The following CHD5 variants were observed in gnomAD, a reference collection of about 807,000 sequenced individuals.
CHD5 encodes the protein chromodomain helicase DNA binding protein 5.
A neutral mutation model predicts 230.3 loss-of-function variants in CHD5; 69 were observed. The ratio of observed to expected loss-of-function variants is 0.30; its 90% CI spans 0.25 to 0.37. CHD5 has a LOEUF of 0.37. Ranked by LOEUF, CHD5 falls within the 10% of genes least tolerant of loss-of-function variation. The pLI is 1.00. For synonymous variants in CHD5, 1,064 were observed against 1,065.9 expected (o/e 1.00, Z 0.03); for missense variants, 1,827 against 2,622.8 (o/e 0.70, Z 6.63).
Position 6,146,344 on chromosome 1 carries a change from C to T in CHD5, c.1670G>A (p.Gly557Asp). The change falls in exon 11 of 42, where the codon GGC becomes GAC. Residue 557 changes from glycine to aspartate, a missense_variant. Gly to Asp is a moderately conservative substitution (Grantham distance 94). Coordinates refer to ENST00000262450, the MANE Select transcript of CHD5 (RefSeq NM_015557.3). The surrounding 1 kb of genome is among the most constrained non-coding windows in gnomAD (Gnocchi z 5.1). ...GCTCTTGCCGTCTTCATCCCCAGAG[C>T]CGTAGTCAAAGGGGGGCGGCTCATC... ...DMDEPPPFDYGSGDEDGKSEK... is the reference protein window; with the variant it reads ...DMDEPPPFDYDSGDEDGKSEK... 1 of 1,614,168 alleles carries T rather than the reference C, an allele frequency of 6.2e-7. No individual in the cohort carries two copies. The highest frequency in any genetic ancestry group is 8.5e-7 in the Non-Finnish European group (1 of 1,180,030).
intron 3 of CHD5, among the ~76,000 whole-genome samples, chr1:6,156,138 A>T (rs1471803674): frequency 6.6e-6 from 1 of 152,238 alleles, no homozygotes; most frequent in East Asian, 1.9e-4. Context: ...TGGGGACTGC[A>T]TTCTGGGGAT....
intron 17 of CHD5, among the ~76,000 whole-genome samples, chr1:6,135,950 C>T (rs1257488336): frequency 1.3e-5 from 2 of 152,064 alleles, no homozygotes; most frequent in East Asian, 3.9e-4. Flanking sequence ...GCGGAGGTTG[C>T]AGTGAACTGA....
Position 6,131,794 on chromosome 1 carries a change from C to G in CHD5, c.3145-46G>C. The G allele has an allele frequency of 2.3e-6, 3 of 1,305,490 alleles. No individual in the cohort carries two copies. Among genetic ancestry groups the G allele is most frequent in the Non-Finnish European group, 3.3e-6 (3 of 906,134 alleles). The allele number at this position is 1,305,490 out of a possible 1,614,324, so 80.9% of individuals were successfully genotyped here. ...TGAGGAACTGCCAAGGAGCAAGGGG[C>G]CCCATGGGCCATGGGCGGGGACCCC... On this transcript the variant is annotated intron_variant, in intron 20 of 41. Transcript: ENST00000262450. The surrounding 1 kb of genome is among the most constrained non-coding windows in gnomAD (Gnocchi z 5.0).
At position 6,154,800 on chromosome 1, in the gene CHD5, T is replaced by A; in HGVS notation, c.605A>T (p.Lys202Met). 1 of 1,613,774 alleles carries A rather than the reference T, an allele frequency of 6.2e-7. No individual in the cohort carries two copies. Among genetic ancestry groups the A allele is most frequent in the Non-Finnish European group, 8.5e-7 (1 of 1,179,964 alleles). ...CGCCGCTGCTGCCGCGGAGCTGCCC[T>A]TGAAGGGGTTGTTGGCGCTGAACTC... is the stretch of plus-strand genomic sequence containing the variant. ...WREFSANNPFKGSSAAAAAAA... is the reference protein window; with the variant it reads ...WREFSANNPFMGSSAAAAAAA... Residue 202 changes from lysine to methionine, a missense_variant, in exon 5 of 42, where the codon AAG (lysine) becomes ATG (methionine). This residue lies in a region of CHD5 where 657 missense variants were observed against 816.4 expected (regional missense o/e 0.80). Coordinates refer to ENST00000262450, the MANE Select transcript of CHD5 (RefSeq NM_015557.3). This position sits in a 1 kb window ranked among gnomAD's most constrained non-coding sequence, Gnocchi z 7.0.
Position 6,148,878 on chromosome 1 carries a change from A to C in CHD5, c.1359T>G (p.Gly453=). Reference sequence around the variant, plus strand: ...CAGTACAGCGCGGGCAGAGCCATTCACCGTTTGGGATCTCGGGCAGCGGCG... The same window carrying C: ...CAGTACAGCGCGGGCAGAGCCATTCCCCGTTTGGGATCTCGGGCAGCGGCG... The part of the protein sequence containing the change: ...LNPPLPEIPN[G]EWLCPRCTCP... The change falls in exon 9 of 42, where the codon GGT becomes GGG. Residue 453 remains glycine, a synonymous_variant. Transcript: ENST00000262450. The C allele has an allele frequency of 1.3e-6, 2 of 1,576,874 alleles. No homozygotes were observed. Among genetic ancestry groups the C allele is most frequent in the Non-Finnish European group, 1.7e-6 (2 of 1,160,556 alleles).
At chr1:6,127,111 G>A in intron 25 of CHD5, 1 of 259,438 alleles carries the variant, frequency 3.9e-6, no homozygotes, top group South Asian at 5.1e-5. Flanking sequence ...GGGGAGCAGA[G>A]GAGGAAACGG....
At chr1:6,135,438 G>T in intron 17 of CHD5, 35 bp from the exon 18 acceptor site, 1 of 1,570,446 alleles carries the variant, frequency 6.4e-7, no homozygotes. Context: ...GCCAGGAGCA[G>T]AGGACCGGGG....
chr1:6,105,141 G>A lies in CHD5; in HGVS notation c.*333C>T. 2.9e-6 allele frequency: 1 copy of A among 339,942 alleles called. No individual in the cohort carries two copies. The highest frequency in any genetic ancestry group is 5.8e-6 in the Non-Finnish European group (1 of 172,294). The allele number at this position is 339,942 out of a possible 1,614,324, so 21.1% of individuals were successfully genotyped here. A position where few individuals can be genotyped will look rare whatever the true frequency, so the allele number is the denominator to read the frequency against. On this transcript the variant is annotated 3_prime_UTR_variant, in exon 42 of 42. Coordinates refer to ENST00000262450, the MANE Select transcript of CHD5 (RefSeq NM_015557.3). This position sits in a 1 kb window ranked among gnomAD's most constrained non-coding sequence, Gnocchi z 4.8. ...GACAAACGTGTTCAAGTCTTCAATA[G>A]GAAAGTGCAAAAGATGTACAAATAA...
At position 6,126,837 on chromosome 1, in the gene CHD5, C is replaced by T. The variant is rs1666566640; in HGVS notation, c.3904-91G>A. On this transcript the variant is annotated intron_variant, in intron 25 of 41. Coordinates refer to ENST00000262450, the MANE Select transcript of CHD5 (RefSeq NM_015557.3). This position sits in a 1 kb window ranked among gnomAD's most constrained non-coding sequence, Gnocchi z 5.7. The stretch of plus-strand genomic sequence containing the variant: ...GCCTCCACCTGACCTGCCCTTTGCC[C>T]CCTCAGGGCTCAAGGATTAATGGGA... The T allele has an allele frequency of 1.6e-6, 2 of 1,213,862 alleles. No individual in the cohort carries two copies. The highest frequency in any genetic ancestry group is 2.3e-6 in the Non-Finnish European group (2 of 853,646). The allele number at this position is 1,213,862 out of a possible 1,614,324, so 75.2% of individuals were successfully genotyped here. A position where few individuals can be genotyped will look rare whatever the true frequency, so the allele number is the denominator to read the frequency against.
At chr1:6,117,242 G>C (rs1378669347) in intron 33 of CHD5, among the ~76,000 whole-genome samples, 1 of 152,142 alleles carries the variant, frequency 6.6e-6, no homozygotes, top group East Asian at 1.9e-4. Context: ...CAAATGTAAA[G>C]AGATTAAACT....
At chr1:6,150,558 GGATT>G (rs1486327479) in intron 7 of CHD5, among the ~76,000 whole-genome samples, 3 of 151,836 alleles carry the variant, frequency 2.0e-5, no homozygotes, top group African/African-American at 7.2e-5. Flanking sequence ...ATGGACAAAT[GGATT>G]GATGATGGAT....
chr1:6,137,214 C>A (rs1666760031), intron 15 of CHD5, among the ~76,000 whole-genome samples: 1 of 152,204 alleles, frequency 6.6e-6, no homozygotes, highest in South Asian at 2.1e-4. Context: ...CTCAAGCAAT[C>A]CTCCCATCTC....
intron 11 of CHD5, among the ~76,000 whole-genome samples, chr1:6,145,227 G>A (rs1571158120): frequency 6.6e-6 from 1 of 152,200 alleles, no homozygotes; most frequent in East Asian, 1.9e-4. Context: ...GCAGCAGCCT[G>A]TTCCCTAAAA....
chr1:6,128,479 T>G lies in CHD5; in HGVS notation c.3730+20A>C. The G allele has an allele frequency of 6.3e-7, 1 of 1,579,768 alleles. No homozygotes were observed. Among genetic ancestry groups the G allele is most frequent in the South Asian group, 1.1e-5 (1 of 90,110 alleles). ...ACCTGGTCGGAGGAGGAGCTGAGGC[T>G]GGGCTGGGTTGGCCCCTACCTGGCG... On this transcript the variant is annotated intron_variant, in intron 24 of 41. Coordinates refer to ENST00000262450, the MANE Select transcript of CHD5 (RefSeq NM_015557.3). The surrounding 1 kb of genome is among the most constrained non-coding windows in gnomAD (Gnocchi z 7.8).
chr1:6,125,023 T>C lies in CHD5; in HGVS notation c.4394+77A>G, dbSNP rs951969918. ...CCTGGCGGAAGCAAATGCTGCCCTC[T>C]GTGGGGCTCACCCGCAGGACCCTGC... On this transcript the variant is annotated intron_variant, in intron 29 of 41. Coordinates refer to ENST00000262450, the MANE Select transcript of CHD5 (RefSeq NM_015557.3). The surrounding 1 kb of genome is among the most constrained non-coding windows in gnomAD (Gnocchi z 6.7). The C allele has an allele frequency of 1.1e-5, 16 of 1,392,254 alleles. 1 individual carries two copies. In the South Asian group the frequency reaches 2.2e-4, roughly 19 times the overall value. The allele number at this position is 1,392,254 out of a possible 1,614,324, so 86.2% of individuals were successfully genotyped here.
At position 6,142,236 on chromosome 1, in the gene CHD5, G is replaced by A. The variant is rs754931120; in HGVS notation, c.2328C>T (p.Tyr776=). The A allele has an allele frequency of 1.8e-4, 296 of 1,614,042 alleles. 2 individuals carry two copies. Among genetic ancestry groups the A allele is most frequent in the Non-Finnish European group, 2.3e-4 (274 of 1,179,998 alleles). The change falls in exon 15 of 42, where the codon TAC becomes TAT. Residue 776 remains tyrosine, a synonymous_variant. Coordinates refer to ENST00000262450, the MANE Select transcript of CHD5 (RefSeq NM_015557.3). This position sits in a 1 kb window ranked among gnomAD's most constrained non-coding sequence, Gnocchi z 5.2. ...REFEMWAPDF[Y]VVTYTGDKES... ...CCTTGTCCCCCGTGTAGGTGACCAC[G>A]TAGAAGTCGGGCGCCCACATCTCAA...
rs1024377739 is a variant in CHD5, at chr1:6,105,506, G to A, written c.*47-79C>T. The stretch of plus-strand genomic sequence containing the variant: ...GGGTGGCACCCAACAGCCTGTAGCT[G>A]CTTCTCCACCTATCACAACCAACTA... On this transcript the variant is annotated intron_variant, in intron 41 of 41. Transcript: ENST00000262450. This position sits in a 1 kb window ranked among gnomAD's most constrained non-coding sequence, Gnocchi z 4.8. The A allele has an allele frequency of 1.9e-5, 8 of 421,882 alleles. No homozygotes were observed. The highest frequency in any genetic ancestry group is 8.9e-5 in the Admixed American group (3 of 33,646). The allele number at this position is 421,882 out of a possible 1,614,324, so 26.1% of individuals were successfully genotyped here. A position where few individuals can be genotyped will look rare whatever the true frequency, so the allele number is the denominator to read the frequency against.
At position 6,155,476 on chromosome 1, in the gene CHD5, CA is replaced by C. The variant is rs760960681; in HGVS notation, c.506+122del. On this transcript the variant is annotated intron_variant, in intron 4 of 41. Transcript: ENST00000262450. This position sits in a 1 kb window ranked among gnomAD's most constrained non-coding sequence, Gnocchi z 4.0. ...CTCCCTCCAGCTCCCCCAGGTTGCT[CA>C]GTCGGTCTGACAGAGCCCACCCCTA... 3.0e-5 allele frequency: 23 copies of C among 773,568 alleles called. No individual in the cohort carries two copies. Among genetic ancestry groups the C allele is most frequent in the Non-Finnish European group, 4.8e-5 (22 of 459,148 alleles). 47.9% of individuals were successfully genotyped at this position (773,568 alleles called of 1,614,324 possible).
Position 6,167,642 on chromosome 1 carries a change from C to T in CHD5, c.207+508G>A, listed in dbSNP as rs1014942940. Among the ~76,000 whole-genome samples the T allele has an allele frequency of 1.3e-5, 2 of 152,216 alleles. No homozygotes were observed. Among genetic ancestry groups the T allele is most frequent in the Non-Finnish European group, 2.9e-5 (2 of 68,044 alleles). ...CAAGGGACGTGTTCACACCATCACA[C>T]CCTGCCAACCCAAGGCAGCGGAGCA... On this transcript the variant is annotated intron_variant, in intron 2 of 41. Coordinates refer to ENST00000262450, the MANE Select transcript of CHD5 (RefSeq NM_015557.3). This position sits in a 1 kb window ranked among gnomAD's most constrained non-coding sequence, Gnocchi z 4.5.
Sources: gnomAD v4.1 joint callset for allele counts (sites outside exome capture counted in the v4.1 genomes callset) on GRCh38, gnomAD v4.1.1 for gene constraint, gnomAD v4.1.1 regional missense constraint, Gnocchi (gnomAD v3.1) non-coding constraint, MANE v1.5 for transcripts, NCBI Gene and HGNC (gene_info 2026-07-23, HGNC 2026-07-21) for gene names.